The following DUSP14 variants were observed in gnomAD, a reference collection of about 807,000 sequenced individuals.
DUSP14 encodes the protein dual specificity protein phosphatase 14.
In DUSP14, 5 loss-of-function variants were observed where a neutral mutation model predicts 13.2. That is an observed-to-expected ratio of 0.38 (90% CI 0.20 to 0.80). The LOEUF is 0.80. Ranked by LOEUF, DUSP14 falls within the 30% of genes least tolerant of loss-of-function variation. The probability of loss-of-function intolerance (pLI) is 0.44; values close to 1 mark genes in which losing one functional copy is unlikely to be tolerated. For synonymous variants in DUSP14, 91 were observed against 103.4 expected (o/e 0.88, Z 0.73); for missense variants, 185 against 264.0 (o/e 0.70, Z 2.07).
chr17:37,499,852 A>C (rs2054093957), intron 1 of DUSP14, among the ~76,000 whole-genome samples: 1 of 152,230 alleles, frequency 6.6e-6, no homozygotes, highest in African/African-American at 2.4e-5. Flanking sequence ...ACTAATTAGT[A>C]ATGTAGTCTT....
At chr17:37,511,930 CCA>C (rs1417493978) in intron 2 of DUSP14, among the ~76,000 whole-genome samples, 207 of 46,690 alleles carry the variant, frequency 4.4e-3, no homozygotes, top group Middle Eastern at 0.011. Flanking sequence ...CACCCCCCCC[CCA>C]CCCCACTTTT....
chr17:37,512,462 C>T lies in DUSP14; in HGVS notation c.190C>T (p.Pro64Ser). 1 of 1,614,184 alleles carries T rather than the reference C, an allele frequency of 6.2e-7. No individual in the cohort carries two copies. The highest frequency in any genetic ancestry group is 8.5e-7 in the Non-Finnish European group (1 of 1,180,044). ...TCIVNATIEI[P>S]NFNWPQFEYV... is the part of the protein sequence containing the mutation. ...CATTGTTAATGCTACCATTGAGATCCCTAATTTCAACTGGCCCCAATTTGA... is the reference window on the plus strand; with the variant it reads ...CATTGTTAATGCTACCATTGAGATCTCTAATTTCAACTGGCCCCAATTTGA... Residue 64 changes from proline to serine, a missense_variant, in exon 3 of 3, where the codon CCT becomes TCT. Physicochemically the swap from Pro to Ser is moderately conservative, Grantham distance 74. Transcript: ENST00000617516. This position sits in a 1 kb window ranked among gnomAD's most constrained non-coding sequence, Gnocchi z 4.8.
chr17:37,507,191 C>T (rs1013757098), intron 1 of DUSP14, among the ~76,000 whole-genome samples: 7 of 152,194 alleles, frequency 4.6e-5, no homozygotes, highest in African/African-American at 7.2e-5. Context: ...GTGCCCTCTA[C>T]GTGCCCTCTG....
At chr17:37,510,241 T>C (rs1194487373) in intron 1 of DUSP14, 1 of 152,350 alleles carries the variant, frequency 6.6e-6, no homozygotes, top group African/African-American at 2.4e-5. Flanking sequence ...TGGCTCACCC[T>C]TGCTGCACCT....
chr17:37,502,080 G>A (rs2054108913), intron 1 of DUSP14, among the ~76,000 whole-genome samples: 1 of 152,086 alleles, frequency 6.6e-6, no homozygotes, highest in African/African-American at 2.4e-5. Context: ...TATGTTACCT[G>A]TATATCCCTG....
At position 37,513,470 on chromosome 17, in the gene DUSP14, A is replaced by G. The variant is rs1454348379; in HGVS notation, c.*601A>G. The G allele has an allele frequency of 6.0e-6, 1 of 167,120 alleles. No individual in the cohort carries two copies. The highest frequency in any genetic ancestry group is 1.5e-5 in the Non-Finnish European group (1 of 68,158). The allele number at this position is 167,120 out of a possible 1,614,324, so 10.4% of individuals were successfully genotyped here. A position where few individuals can be genotyped will look rare whatever the true frequency, so the allele number is the denominator to read the frequency against. On this transcript the variant is annotated 3_prime_UTR_variant, in exon 3 of 3. Coordinates refer to ENST00000617516, the MANE Select transcript of DUSP14 (RefSeq NM_007026.4). ...ATGTGCCCAGGATTATATTAGCATT[A>G]TTTTTAATAAATCTATATGCTTAAC...
chr17:37,489,298 G>A (rs1457780608), upstream of DUSP14, among the ~76,000 whole-genome samples: 1 of 152,068 alleles, frequency 6.6e-6, no homozygotes, highest in East Asian at 1.9e-4. Context: ...GTGGAGATGC[G>A]CACGGAGGTT....
upstream of DUSP14, among the ~76,000 whole-genome samples, chr17:37,489,411 T>A (rs911600347): frequency 2.6e-5 from 4 of 151,980 alleles, no homozygotes; most frequent in Non-Finnish European, 4.4e-5. Context: ...CGCTCTTGGG[T>A]CCCAACCCCC....
At chr17:37,507,718 C>T (rs1039966778) in intron 1 of DUSP14, among the ~76,000 whole-genome samples, 2 of 152,086 alleles carry the variant, frequency 1.3e-5, no homozygotes, top group Non-Finnish European at 2.9e-5. Context: ...GGATTATAGG[C>T]GTAAGCCACC....
chr17:37,503,939 C>G (rs2054121182), intron 1 of DUSP14, among the ~76,000 whole-genome samples: 1 of 152,102 alleles, frequency 6.6e-6, no homozygotes, highest in Non-Finnish European at 1.5e-5. Flanking sequence ...GCCTGTAATC[C>G]CAGCAGCACT....
At chr17:37,504,662 C>T (rs886689907) in intron 1 of DUSP14, among the ~76,000 whole-genome samples, 1 of 152,110 alleles carries the variant, frequency 6.6e-6, no homozygotes, top group Admixed American at 6.6e-5. Context: ...ACTGCAGCCT[C>T]GACTTCCCAG....
Position 37,512,752 on chromosome 17 carries a change from C to T in DUSP14, c.480C>T (p.Asp160=), listed in dbSNP as rs1288653173. The T allele has an allele frequency of 6.2e-7, 1 of 1,613,938 alleles. No individual in the cohort carries two copies. ...PNVGFWRQLI[D]YERQLFGKST... The stretch of plus-strand genomic sequence containing the variant: ...TAGGCTTCTGGAGGCAACTGATAGA[C>T]TACGAGCGCCAGCTCTTTGGGAAGT... Residue 160 remains aspartate (D), a synonymous_variant, in exon 3 of 3, where the codon GAC becomes GAT. Coordinates refer to ENST00000617516, the MANE Select transcript of DUSP14 (RefSeq NM_007026.4). The surrounding 1 kb of genome is among the most constrained non-coding windows in gnomAD (Gnocchi z 4.8).
chr17:37,509,621 C>CTA (rs921858771), intron 1 of DUSP14, among the ~76,000 whole-genome samples: 1 of 151,756 alleles, frequency 6.6e-6, no homozygotes, highest in Admixed American at 6.6e-5. Context: ...CACGCTTGGC[C>CTA]TATATATATT....
At chr17:37,499,850 G>A (rs1008261325) in intron 1 of DUSP14, among the ~76,000 whole-genome samples, 3 of 152,228 alleles carry the variant, frequency 2.0e-5, no homozygotes, top group Non-Finnish European at 4.4e-5. Flanking sequence ...TTACTAATTA[G>A]TAATGTAGTC....
intron 1 of DUSP14, among the ~76,000 whole-genome samples, chr17:37,504,352 C>T (rs2054123839): frequency 6.6e-6 from 1 of 152,216 alleles, no homozygotes; most frequent in Non-Finnish European, 1.5e-5. Flanking sequence ...CTATCTGTGG[C>T]TGAACCGGAG....
intron 1 of DUSP14, among the ~76,000 whole-genome samples, chr17:37,498,680 T>TG (rs1555696512): frequency 1.4e-5 from 2 of 138,994 alleles, no homozygotes; most frequent in African/African-American, 3.4e-5. Flanking sequence ...TAATCAGTTT[T>TG]TTTTTTTTTT....
chr17:37,500,854 T>C (rs2143081278), intron 1 of DUSP14, among the ~76,000 whole-genome samples: 1 of 152,298 alleles, frequency 6.6e-6, no homozygotes, highest in South Asian at 2.1e-4. Context: ...TAGAGATTAC[T>C]CCCTAGACTG....
chr17:37,512,905 C>A lies in DUSP14; in HGVS notation c.*36C>A, dbSNP rs967225830. 1 of 1,534,584 alleles carries A rather than the reference C, an allele frequency of 6.5e-7. No individual in the cohort carries two copies. The highest frequency in any genetic ancestry group is 1.4e-5 in the African/African-American group (1 of 73,056). On this transcript the variant is annotated 3_prime_UTR_variant, in exon 3 of 3. Transcript: ENST00000617516. The surrounding 1 kb of genome is among the most constrained non-coding windows in gnomAD (Gnocchi z 4.8). ...GCCTGCGTCAGCAGCCCGAGCGGGG[C>A]CGGCATCTGCTCCCCGCCGTCTGCT...
upstream of DUSP14, chr17:37,489,890 C>G (rs1217478058): frequency 3.4e-5 from 5 of 148,136 alleles, no homozygotes; most frequent in African/African-American, 1.2e-4. Context: ...GCGCCCAGCC[C>G]GCAGAAGCCG....
Sources: gnomAD v4.1 joint callset for allele counts (sites outside exome capture counted in the v4.1 genomes callset) on GRCh38, gnomAD v4.1.1 for gene constraint, Gnocchi (gnomAD v3.1) non-coding constraint, MANE v1.5 for transcripts, NCBI Gene and HGNC (gene_info 2026-07-23, HGNC 2026-07-21) for gene names.